The following GALNT9 variants were observed in gnomAD, a reference collection of about 807,000 sequenced individuals.
GALNT9 encodes polypeptide N-acetylgalactosaminyltransferase 9, also known as GalNAc transferase 9.
GALNT9 carries 47 observed loss-of-function variants against 63.1 expected under a neutral mutation model. The observed-to-expected ratio is 0.75, with a 90% CI of 0.59 to 0.95. The LOEUF (loss-of-function observed/expected upper bound fraction) is 0.95, where lower values mean the gene tolerates loss of function less well. Ranked by LOEUF, GALNT9 falls within the 40% of genes least tolerant of loss-of-function variation. GALNT9 has a pLI of 0.00. For synonymous variants in GALNT9, 396 were observed against 365.7 expected (o/e 1.08, Z -0.94); for missense variants, 829 against 874.8 (o/e 0.95, Z 0.66).
At chr12:132,226,580 CCACA>C (rs1270032787) in intron 6 of GALNT9, among the ~76,000 whole-genome samples, 2 of 148,500 alleles carry the variant, frequency 1.3e-5, no homozygotes, top group African/African-American at 2.5e-5. Flanking sequence ...CACATACACC[CCACA>C]CACATACACA....
intron 1 of GALNT9, among the ~76,000 whole-genome samples, chr12:132,304,835 G>A (rs868983201): frequency 3.6e-3 from 63 of 17,314 alleles, no homozygotes; most frequent in African/African-American, 4.8e-3. Flanking sequence ...GCACACCCTC[G>A]CCCGGGCACA....
chr12:132,327,974 T>C lies in GALNT9; in HGVS notation c.238+992A>G, dbSNP rs1555246633. ...GCTCCCGTCACCTCCCACTCGAGCC[T>C]GTTACGGATGCTTTCTGGAGGAGGT... On this transcript the variant is annotated intron_variant, in intron 1 of 10. Coordinates refer to ENST00000328957, the MANE Select transcript of GALNT9 (RefSeq NM_001122636.2). This position sits in a 1 kb window ranked among gnomAD's most constrained non-coding sequence, Gnocchi z 4.3. Among the ~76,000 whole-genome samples the C allele has an allele frequency of 6.6e-6, 1 of 151,948 alleles. No homozygotes were observed. The highest frequency in any genetic ancestry group is 1.5e-5 in the Non-Finnish European group (1 of 67,970).
At chr12:132,223,187 C>CCA (rs1877540845) in intron 6 of GALNT9, among the ~76,000 whole-genome samples, 3 of 111,796 alleles carry the variant, frequency 2.7e-5, no homozygotes, top group South Asian at 3.3e-4. Flanking sequence ...CGCACACAAC[C>CCA]CACACCCCAC....
chr12:132,281,567 G>C (rs1023242202), intron 2 of GALNT9, among the ~76,000 whole-genome samples: 1 of 152,226 alleles, frequency 6.6e-6, no homozygotes, highest in Non-Finnish European at 1.5e-5. Flanking sequence ...TATAAACTGG[G>C]TTTCTATCAG....
rs1878096036 is a variant in GALNT9, at chr12:132,238,737, T to C, written c.1077+9173A>G. ...AGGGCTGTGGGAGGGGCCAGGAGAA[T>C]GACAGCCTGATTCCTCCGCCCCCTC... On this transcript the variant is annotated intron_variant, in intron 6 of 10. Coordinates refer to ENST00000328957, the MANE Select transcript of GALNT9 (RefSeq NM_001122636.2). The surrounding 1 kb of genome is among the most constrained non-coding windows in gnomAD (Gnocchi z 6.5). Among the ~76,000 whole-genome samples, 1 of 152,140 alleles carries C rather than the reference T, an allele frequency of 6.6e-6. No homozygotes were observed.
At chr12:132,324,929 G>A (rs1555246426) in intron 1 of GALNT9, among the ~76,000 whole-genome samples, 1 of 152,238 alleles carries the variant, frequency 6.6e-6, no homozygotes, top group East Asian at 1.9e-4. Flanking sequence ...AGCCCCACAG[G>A]AACGTCCCCT....
chr12:132,267,511 C>A (rs1210980671), intron 2 of GALNT9, among the ~76,000 whole-genome samples: 1 of 152,202 alleles, frequency 6.6e-6, no homozygotes, highest in African/African-American at 2.4e-5. Flanking sequence ...AGAACCTGAG[C>A]AGCTGATTCT....
At chr12:132,257,478 C>T (rs576975226) in intron 5 of GALNT9, among the ~76,000 whole-genome samples, 43 of 149,446 alleles carry the variant, frequency 2.9e-4, no homozygotes, top group African/African-American at 6.9e-4. Context: ...CCCACGCCCT[C>T]GTCCCCGGCC....
chr12:132,205,447 C>G (rs1268478856), intron 6 of GALNT9: 2 of 152,386 alleles, frequency 1.3e-5, no homozygotes, highest in East Asian at 1.9e-4. Context: ...GATGACCACA[C>G]AGCACGCAGC....
chr12:132,292,708 C>T (rs1446765560), intron 1 of GALNT9, among the ~76,000 whole-genome samples: 3 of 152,118 alleles, frequency 2.0e-5, no homozygotes, highest in Admixed American at 6.5e-5. Flanking sequence ...TCCAGCAGGG[C>T]GGGGCGTGCG....
intron 6 of GALNT9, among the ~76,000 whole-genome samples, chr12:132,209,930 T>G (rs1048127811): frequency 2.0e-5 from 3 of 152,200 alleles, no homozygotes; most frequent in Non-Finnish European, 4.4e-5. Context: ...CTTCATTTCT[T>G]TACTTCTCTA....
At chr12:132,302,099 T>G (rs1881317735) in intron 1 of GALNT9, among the ~76,000 whole-genome samples, 1 of 152,216 alleles carries the variant, frequency 6.6e-6, no homozygotes, top group Non-Finnish European at 1.5e-5. Context: ...TGAATCTTGG[T>G]GCCAAGTCAT....
At chr12:132,247,459 G>A (rs1011794534) in intron 6 of GALNT9, 8 of 378,464 alleles carry the variant, frequency 2.1e-5, no homozygotes, top group African/African-American at 1.7e-4. Flanking sequence ...CTCCAGCTCA[G>A]GGACCCTGGG....
chr12:132,293,598 A>C (rs1385210973), intron 1 of GALNT9, among the ~76,000 whole-genome samples: 4 of 152,220 alleles, frequency 2.6e-5, no homozygotes, highest in African/African-American at 9.7e-5. Context: ...AAAGCACAAA[A>C]AGCACAAAAA....
Position 132,329,219 on chromosome 12 carries a change from G to T in GALNT9, c.-16C>A, listed in dbSNP as rs782137889. 3.3e-6 allele frequency: 5 copies of T among 1,536,834 alleles called. No homozygotes were observed. In the East Asian group the frequency reaches 9.9e-5, roughly 30 times the overall value. On this transcript the variant is annotated 5_prime_UTR_variant, in exon 1 of 11. Transcript: ENST00000328957. ...CCACCGCCATGAACACGGCTGCAGC[G>T]GGGGCCTCACCCGCGGGGCATCCCC... is the stretch of plus-strand genomic sequence containing the variant.
intron 1 of GALNT9, among the ~76,000 whole-genome samples, chr12:132,311,452 G>A (rs2135583888): frequency 1.3e-5 from 2 of 152,312 alleles, no homozygotes; most frequent in South Asian, 4.1e-4. Context: ...GGAGCCTAGA[G>A]GAGCAAACAA....
chr12:132,295,169 C>T (rs1881007389), intron 1 of GALNT9, among the ~76,000 whole-genome samples: 1 of 152,224 alleles, frequency 6.6e-6, no homozygotes, highest in South Asian at 2.1e-4. Flanking sequence ...GCCTGGGAAG[C>T]CAGCGGGGCC....
At chr12:132,290,265 C>T (rs1880755849) in intron 1 of GALNT9, among the ~76,000 whole-genome samples, 1 of 152,134 alleles carries the variant, frequency 6.6e-6, no homozygotes, top group Non-Finnish European at 1.5e-5. Flanking sequence ...ACACAGAGCC[C>T]CCATCATGAC....
At chr12:132,270,430 G>A (rs1879822354) in intron 2 of GALNT9, among the ~76,000 whole-genome samples, 2 of 152,262 alleles carry the variant, frequency 1.3e-5, no homozygotes, top group African/African-American at 4.8e-5. Flanking sequence ...AGCAGGTGAT[G>A]CCACCTCTGT....
Sources: gnomAD v4.1 joint callset for allele counts (sites outside exome capture counted in the v4.1 genomes callset) on GRCh38, gnomAD v4.1.1 for gene constraint, Gnocchi (gnomAD v3.1) non-coding constraint, MANE v1.5 for transcripts, NCBI Gene and HGNC (gene_info 2026-07-23, HGNC 2026-07-21) for gene names.